The following RIPOR3 variants were observed in gnomAD, a reference collection of about 807,000 sequenced individuals.
RIPOR3 encodes family with sequence similarity 65 member C.
In RIPOR3, 95 loss-of-function variants were observed where a neutral mutation model predicts 114.3. That is an observed-to-expected ratio of 0.83 (90% CI 0.70 to 0.99). The LOEUF is 0.99. RIPOR3 is among the 50% of genes least tolerant of loss of function. RIPOR3 has a pLI of 0.00. For synonymous variants in RIPOR3, 575 were observed against 543.8 expected, an observed-to-expected ratio of 1.06 and a Z score of -0.80; for missense variants, 1,252 against 1,266.9, an observed-to-expected ratio of 0.99 and a Z score of 0.18.
chr20:50,627,330 G>C (rs1343141493), intron 2 of RIPOR3, among the ~76,000 whole-genome samples: 1 of 143,604 alleles, frequency 7.0e-6, no homozygotes, highest in South Asian at 2.2e-4. Context: ...GTGAAACCCT[G>C]TCTCTACTAA....
At chr20:50,596,466 G>A (rs1486971486) in intron 14 of RIPOR3, among the ~76,000 whole-genome samples, 1 of 152,200 alleles carries the variant, frequency 6.6e-6, no homozygotes, top group African/African-American at 2.4e-5. Context: ...AGGGCCTGGG[G>A]AAGGCAGGGC....
At chr20:50,615,108 A>AGTGTGTGTGTGTGT (rs56136460) in intron 4 of RIPOR3, among the ~76,000 whole-genome samples, 1,764 of 138,478 alleles carry the variant, frequency 0.013, 25 homozygotes, top group Middle Eastern at 0.026. Flanking sequence ...GCTATTTGTG[A>AGTGTGTGTGTGTGT]GTGTGTGTGT....
intron 1 of RIPOR3, among the ~76,000 whole-genome samples, chr20:50,674,026 C>T (rs1223513074): frequency 6.6e-6 from 1 of 152,162 alleles, no homozygotes. Context: ...ACGGGAGAGC[C>T]GGACACGAGC....
intron 1 of RIPOR3, among the ~76,000 whole-genome samples, chr20:50,658,369 C>T (rs2085886816): frequency 6.6e-6 from 1 of 152,116 alleles, no homozygotes; most frequent in East Asian, 1.9e-4. Flanking sequence ...GATGTATGAT[C>T]CTTTTATATG....
intron 8 of RIPOR3, 121 bp downstream of exon 8, chr20:50,609,172 A>G: frequency 7.4e-7 from 1 of 1,347,730 alleles, no homozygotes; most frequent in South Asian, 1.4e-5. Flanking sequence ...CACATGTCAC[A>G]TGGATGCAAA....
At chr20:50,591,314 C>A (rs560608299) in intron 19 of RIPOR3, among the ~76,000 whole-genome samples, 1 of 152,144 alleles carries the variant, frequency 6.6e-6, no homozygotes, top group African/African-American at 2.4e-5. Flanking sequence ...TGAAAGAATT[C>A]TTAACCTTTT....
intron 1 of RIPOR3, among the ~76,000 whole-genome samples, chr20:50,661,130 C>T (rs1431969552): frequency 2.0e-5 from 3 of 150,960 alleles, no homozygotes; most frequent in Middle Eastern, 3.4e-3. Flanking sequence ...CCCAGCTACT[C>T]GGGAGGCTGA....
chr20:50,685,222 ATT>A (rs35813074), intron 1 of RIPOR3, among the ~76,000 whole-genome samples: 7 of 128,020 alleles, frequency 5.5e-5, no homozygotes, highest in Admixed American at 8.4e-5. Flanking sequence ...ATGGGATAGA[ATT>A]TTTTTTTTTT....
chr20:50,609,117 G>A (rs1205015297), intron 8 of RIPOR3, among the ~76,000 whole-genome samples, 162 bp from the exon 9 acceptor site: 1 of 152,170 alleles, frequency 6.6e-6, no homozygotes, highest in Non-Finnish European at 1.5e-5. Flanking sequence ...AGAGGGTGCT[G>A]GGCCCTCACA....
At chr20:50,685,662 T>C (rs896459037) in intron 1 of RIPOR3, among the ~76,000 whole-genome samples, 2 of 116,704 alleles carry the variant, frequency 1.7e-5, no homozygotes, top group Non-Finnish European at 3.7e-5. Context: ...CCGTCTCTAC[T>C]AAAAATACAG....
rs538843495 is a variant in RIPOR3 at position 50,667,443 on chromosome 20, G to A, written c.3+23683C>T. The stretch of plus-strand genomic sequence containing the variant: ...CAAGTAGCTGTGATTACAGGCACCC[G>A]CCACAACGCCCAGCTAATTTTTGTA... On this transcript the variant is annotated intron_variant, in intron 1 of 21. Transcript: ENST00000327979. 2.0e-5 allele frequency among the ~76,000 whole-genome samples: 3 copies of A among 151,930 alleles called. No homozygotes were observed. The South Asian group carries it at 6.3e-4, about 32-fold the overall frequency.
rs760566652 is a variant in RIPOR3, at chr20:50,589,788, C to A, written c.2578-19G>T. Reference sequence around the variant, plus strand: ...GCAAAGCCTGGGGAGAGTAAGGAGGCTGTGAATGGAGGGGTAAGCAGAAGT... The same window carrying A: ...GCAAAGCCTGGGGAGAGTAAGGAGGATGTGAATGGAGGGGTAAGCAGAAGT... On this transcript the variant is annotated intron_variant, in intron 19 of 21. Coordinates refer to ENST00000327979, the MANE Select transcript of RIPOR3 (RefSeq NM_001290268.2). The A allele has an allele frequency of 6.2e-7, 1 of 1,608,988 alleles. No individual in the cohort carries two copies. The highest frequency in any genetic ancestry group is 8.5e-7 in the Non-Finnish European group (1 of 1,177,100).
At chr20:50,588,860 C>T (rs2083012095) in intron 20 of RIPOR3, among the ~76,000 whole-genome samples, 1 of 150,866 alleles carries the variant, frequency 6.6e-6, no homozygotes, top group Admixed American at 6.6e-5. Flanking sequence ...GCGGGCAGAT[C>T]ACGAGGTCAG....
chr20:50,691,160 G>A lies in RIPOR3; in HGVS notation c.-32C>T. 2 of 1,289,392 alleles carry A rather than the reference G, an allele frequency of 1.6e-6. No individual in the cohort carries two copies. The highest frequency in any genetic ancestry group is 2.0e-6 in the Non-Finnish European group (2 of 988,848). 79.9% of individuals were successfully genotyped at this position (1,289,392 alleles called of 1,614,324 possible). A position where few individuals can be genotyped will look rare whatever the true frequency, so the allele number is the denominator to read the frequency against. On this transcript the variant is annotated 5_prime_UTR_variant, in exon 1 of 22. Transcript: ENST00000327979. ...GGTCTGGACACTCGAGTGCAGTCCC[G>A]CCGCCCTCCTTGCAGCTGCCTCACT...
At chr20:50,654,741 G>A (rs967750304) in intron 1 of RIPOR3, among the ~76,000 whole-genome samples, 2 of 151,746 alleles carry the variant, frequency 1.3e-5, no homozygotes, top group African/African-American at 4.8e-5. Context: ...GGGTTTTTTT[G>A]TTTTTTTGTC....
intron 1 of RIPOR3, among the ~76,000 whole-genome samples, chr20:50,666,180 C>CCCTTCCCTTCCCTTCCCTTCCCTT (rs1600720802): frequency 1.2e-5 from 1 of 82,638 alleles, no homozygotes; most frequent in African/African-American, 5.4e-5. Flanking sequence ...AGAAAGGACA[C>CCCTTCCCTTCCCTTCCCTTCCCTT]CCATTTCTTT....
rs559908752 is a variant in RIPOR3 at position 50,609,562 on chromosome 20, G to T, written c.576+11C>A. The T allele has an allele frequency of 2.0e-3, 2,850 of 1,425,222 alleles. 1 individual carries two copies. The highest frequency in any genetic ancestry group is 2.4e-3 in the Non-Finnish European group (2,599 of 1,093,658). 88.3% of individuals were successfully genotyped at this position (1,425,222 alleles called of 1,614,324 possible). ...TGCCCCTGCTGCCCAGCCCAGCTTG[G>T]CCCGGCCCACCTCGGCGCACTCGTG... On this transcript the variant is annotated intron_variant, in intron 7 of 21. Coordinates refer to ENST00000327979, the MANE Select transcript of RIPOR3 (RefSeq NM_001290268.2).
intron 4 of RIPOR3, among the ~76,000 whole-genome samples, chr20:50,611,523 G>T (rs1055810545): frequency 1.3e-5 from 2 of 152,182 alleles, no homozygotes; most frequent in Non-Finnish European, 2.9e-5. Flanking sequence ...TAGGAGAAGC[G>T]CCTACCTCAC....
Position 50,587,338 on chromosome 20 carries a change from A to G in RIPOR3, c.2753-6T>C. ...AGCTAACCGTCCTTTTTCACCTGAA[A>G]TAGCAAAGGGACCTGTCAGCGGGTT... On this transcript the variant is annotated splice_region_variant and splice_polypyrimidine_tract_variant and intron_variant, in intron 21 of 21. Transcript: ENST00000327979. The G allele has an allele frequency of 6.2e-7, 1 of 1,613,144 alleles. No homozygotes were observed. The highest frequency in any genetic ancestry group is 2.2e-5 in the East Asian group (1 of 44,882).
Sources: gnomAD v4.1 joint callset for allele counts (sites outside exome capture counted in the v4.1 genomes callset) on GRCh38, gnomAD v4.1.1 for gene constraint, MANE v1.5 for transcripts, NCBI Gene and HGNC (gene_info 2026-07-23, HGNC 2026-07-21) for gene names.